GABRB3: variants seen among roughly 807,000 people sequenced by gnomAD.
GABRB3 encodes gamma-aminobutyric acid type A receptor subunit beta3.
A neutral mutation model predicts 52.1 loss-of-function variants in GABRB3; 14 were observed. The observed-to-expected ratio is 0.27, with a 90% confidence interval of 0.18 to 0.42. The LOEUF (loss-of-function observed/expected upper bound fraction) is 0.42. GABRB3 is among the 10% of genes least tolerant of loss of function. The pLI is 1.00. For missense variants in GABRB3, 307 were observed against 609.1 expected, an observed-to-expected ratio of 0.50 and a Z score of 5.22; for synonymous variants, 260 against 232.3, an observed-to-expected ratio of 1.12 and a Z score of -1.08.
At chr15:26,770,896 G>A (rs896646063) in intron 3 of GABRB3, among the ~76,000 whole-genome samples, 4 of 152,100 alleles carry the variant, frequency 2.6e-5, no homozygotes, top group African/African-American at 7.2e-5. Flanking sequence ...AAGTAAAATA[G>A]ACATGTTAAT....
intron 3 of GABRB3, among the ~76,000 whole-genome samples, chr15:26,690,144 C>T (rs1888542380): frequency 6.8e-6 from 1 of 146,946 alleles, no homozygotes; most frequent in Non-Finnish European, 1.5e-5. Flanking sequence ...CACTCTGTCA[C>T]CCAGGCTGGA....
At chr15:26,692,751 G>A (rs980536511) in intron 3 of GABRB3, among the ~76,000 whole-genome samples, 15 of 152,120 alleles carry the variant, frequency 9.9e-5, no homozygotes, top group Admixed American at 2.6e-4. Context: ...AATCTTTTTC[G>A]TATTATTTAT....
intron 6 of GABRB3, among the ~76,000 whole-genome samples, chr15:26,570,405 G>A (rs1468388286): frequency 6.6e-6 from 1 of 152,168 alleles, no homozygotes; most frequent in East Asian, 1.9e-4. Flanking sequence ...GACCCTCCTC[G>A]CGGGCCTCGC....
intron 4 of GABRB3, among the ~76,000 whole-genome samples, chr15:26,603,200 T>C (rs1024400766): frequency 7.3e-4 from 111 of 152,020 alleles, no homozygotes; most frequent in African/African-American, 2.4e-3. Flanking sequence ...CCTACCAAGA[T>C]TGAACCACGA....
chr15:26,621,516 A>C lies in GABRB3; in HGVS notation c.259T>G (p.Tyr87Asp). ...EVNMDYTLTM[Y>D]FQQYWRDKRL... ...TTATCTCTCCAATATTGTTGAAAATACATGGTTAAGGTATAATCCTGGGGG... is the reference window on the plus strand; with the variant it reads ...TTATCTCTCCAATATTGTTGAAAATCCATGGTTAAGGTATAATCCTGGGGG... The change falls in exon 4 of 9, where the codon TAT (tyrosine) becomes GAT (aspartate). Residue 87 changes from tyrosine (Y) to aspartate (D), a missense_variant. Physicochemically the swap from Tyr to Asp is radical, Grantham distance 160. Transcript: ENST00000311550. The surrounding 1 kb of genome is among the most constrained non-coding windows in gnomAD (Gnocchi z 4.1). 1 of 1,613,224 alleles carries C rather than the reference A, an allele frequency of 6.2e-7. No individual in the cohort carries two copies.
rs1365949770 is a variant in GABRB3 at position 26,637,639 on chromosome 15, C to A, written c.241-16105G>T. On this transcript the variant is annotated intron_variant, in intron 3 of 8. Coordinates refer to ENST00000311550, the MANE Select transcript of GABRB3 (RefSeq NM_000814.6). The stretch of plus-strand genomic sequence containing the variant: ...AGAGGTGTTCCAGATTGGTTGATAG[C>A]CTTGGATTACTTCCAGTGAAAATTT... Among the ~76,000 whole-genome samples, 3 of 152,268 alleles carry A rather than the reference C, an allele frequency of 2.0e-5. No homozygotes were observed. The East Asian group carries it at 5.8e-4, about 29-fold the overall frequency.
intron 8 of GABRB3, among the ~76,000 whole-genome samples, chr15:26,551,287 A>G (rs1297358458): frequency 1.3e-5 from 2 of 152,184 alleles, no homozygotes; most frequent in African/African-American, 4.8e-5. Flanking sequence ...AACTCAAGCT[A>G]TAAGAAATTG....
chr15:26,685,878 C>G (rs750002714), intron 3 of GABRB3, among the ~76,000 whole-genome samples: 4 of 150,784 alleles, frequency 2.7e-5, no homozygotes, highest in Non-Finnish European at 4.4e-5. Flanking sequence ...AATCATAGCT[C>G]ACTGCAGCCT....
rs146937293 is a variant in GABRB3, at chr15:26,758,298, T to C, written c.240+14104A>G. Among the ~76,000 whole-genome samples the C allele has an allele frequency of 2.5e-3, 380 of 152,354 alleles. 3 individuals are homozygous for C. The East Asian group carries it at 0.032, about 13-fold the overall frequency. On this transcript the variant is annotated intron_variant, in intron 3 of 8. Transcript: ENST00000311550. ...ATATAGTCTTGGGCAAAGGTTGCCA[T>C]ATCAGGAAATTAGATGTCAATTAAC...
chr15:26,577,262 C>G (rs951866428), intron 6 of GABRB3, among the ~76,000 whole-genome samples: 1 of 152,108 alleles, frequency 6.6e-6, no homozygotes, highest in African/African-American at 2.4e-5. Flanking sequence ...ACTGCAATCC[C>G]AGCACTTTGG....
At chr15:26,674,065 C>G (rs1174341760) in intron 3 of GABRB3, among the ~76,000 whole-genome samples, 4 of 151,722 alleles carry the variant, frequency 2.6e-5, no homozygotes, top group Non-Finnish European at 5.9e-5. Context: ...TTAACCCCCC[C>G]CTTTTTTTTT....
intron 3 of GABRB3, among the ~76,000 whole-genome samples, chr15:26,722,093 C>T (rs1363126133): frequency 1.3e-5 from 2 of 152,056 alleles, no homozygotes; most frequent in Admixed American, 1.3e-4. Context: ...TGCAATAAAT[C>T]TTAGCTTACC....
intron 3 of GABRB3, among the ~76,000 whole-genome samples, chr15:26,661,621 A>C (rs1164414477): frequency 6.6e-6 from 1 of 152,176 alleles, no homozygotes; most frequent in Admixed American, 6.5e-5. Flanking sequence ...GCTTACACGC[A>C]CAAGAGCAAG....
chr15:26,739,576 G>T (rs1027017059), intron 3 of GABRB3, among the ~76,000 whole-genome samples: 1 of 151,924 alleles, frequency 6.6e-6, no homozygotes, highest in Non-Finnish European at 1.5e-5. Flanking sequence ...TGGCAGGCAG[G>T]GTGAGCGTTC....
At chr15:26,609,464 A>T (rs569479761) in intron 4 of GABRB3, among the ~76,000 whole-genome samples, 1 of 152,302 alleles carries the variant, frequency 6.6e-6, no homozygotes, top group East Asian at 1.9e-4. Flanking sequence ...AACATGAAAC[A>T]AATCTACTCG....
At chr15:26,757,222 T>C (rs1890687589) in intron 3 of GABRB3, among the ~76,000 whole-genome samples, 2 of 152,158 alleles carry the variant, frequency 1.3e-5, no homozygotes, top group African/African-American at 2.4e-5. Context: ...CCATGCCTTC[T>C]AGTCTGCTGT....
chr15:26,707,217 G>C (rs1405855710), intron 3 of GABRB3, among the ~76,000 whole-genome samples: 1 of 152,204 alleles, frequency 6.6e-6, no homozygotes, highest in Admixed American at 6.5e-5. Context: ...GGTTCCCAGT[G>C]AGAAGAGCAG....
At chr15:26,747,385 G>A (rs1890376824) in intron 3 of GABRB3, among the ~76,000 whole-genome samples, 1 of 152,088 alleles carries the variant, frequency 6.6e-6, no homozygotes, top group Non-Finnish European at 1.5e-5. Context: ...ATTTAGTTAG[G>A]TCTTCTTTCA....
At chr15:26,623,014 A>G (rs1276857282) in intron 3 of GABRB3, among the ~76,000 whole-genome samples, 1 of 152,070 alleles carries the variant, frequency 6.6e-6, no homozygotes, top group East Asian at 1.9e-4. Context: ...TTTCCCAGAC[A>G]CTTTTGTGGG....
Sources: gnomAD v4.1 joint callset for allele counts (sites outside exome capture counted in the v4.1 genomes callset) on GRCh38, gnomAD v4.1.1 for gene constraint, Gnocchi (gnomAD v3.1) non-coding constraint, MANE v1.5 for transcripts, NCBI Gene and HGNC (gene_info 2026-07-23, HGNC 2026-07-21) for gene names.